Variants in GOLGA5 observed in about 807,000 individuals in gnomAD.
The protein encoded by GOLGA5 is golgin subfamily A member 5.
A neutral mutation model predicts 93.5 loss-of-function variants in GOLGA5; 50 were observed. The observed-to-expected ratio is 0.53, with a 90% CI of 0.43 to 0.68. The LOEUF (loss-of-function observed/expected upper bound fraction) is 0.68, where lower values mean the gene tolerates loss of function less well. Among genes scored for constraint, GOLGA5 ranks in the 30% least tolerant of loss-of-function variants. The pLI is 0.00. For missense variants in GOLGA5, 760 were observed against 856.4 expected, an observed-to-expected ratio of 0.89 and a Z score of 1.40; for synonymous variants, 312 against 304.5, an observed-to-expected ratio of 1.02 and a Z score of -0.26.
intron 10 of GOLGA5, among the ~76,000 whole-genome samples, chr14:92,835,358 T>C (rs1862310260): frequency 6.6e-6 from 1 of 152,224 alleles, no homozygotes; most frequent in African/African-American, 2.4e-5. Flanking sequence ...TAAAACTTTT[T>C]TCTTGTTGTG....
intron 2 of GOLGA5, among the ~76,000 whole-genome samples, chr14:92,799,009 G>A (rs1229729515): frequency 1.3e-5 from 2 of 152,026 alleles, no homozygotes; most frequent in African/African-American, 2.4e-5. Flanking sequence ...CTCTATCGCC[G>A]AGGCTTAAGT....
At chr14:92,835,286 G>C (rs1885616954) in intron 10 of GOLGA5, among the ~76,000 whole-genome samples, 1 of 152,132 alleles carries the variant, frequency 6.6e-6, no homozygotes, top group Admixed American at 6.5e-5. Context: ...CATTAATATT[G>C]ACTCTTGTCA....
intron 12 of GOLGA5, among the ~76,000 whole-genome samples, 179 bp downstream of exon 12, chr14:92,837,628 G>T (rs763757946): frequency 7.2e-5 from 11 of 151,970 alleles, no homozygotes; most frequent in African/African-American, 2.2e-4. Flanking sequence ...CAGTGGTGCA[G>T]TCTTGGCTCA....
At chr14:92,802,878 C>A (rs1282519614) in intron 2 of GOLGA5, among the ~76,000 whole-genome samples, 1 of 152,122 alleles carries the variant, frequency 6.6e-6, no homozygotes, top group East Asian at 1.9e-4. Context: ...AATCCTCCCA[C>A]TTCCTCCTCC....
Position 92,797,619 on chromosome 14 carries a change from C to T in GOLGA5, c.182C>T (p.Thr61Met), listed in dbSNP as rs111348610. 3.3e-4 allele frequency: 540 copies of T among 1,612,762 alleles called. No individual in the cohort carries two copies. Among genetic ancestry groups the T allele is most frequent in the Non-Finnish European group, 4.4e-4 (523 of 1,178,874 alleles). ...ATATATCAGACTGGACCTAAATCTA[C>T]GTATATTTCATCAGCAGCTGATAAC... ...DLIYQTGPKS[T>M]YISSAADNIR... Residue 61 changes from threonine to methionine, a missense_variant, in exon 2 of 13, where the codon ACG (threonine) becomes ATG (methionine). Transcript: ENST00000163416.
intron 2 of GOLGA5, among the ~76,000 whole-genome samples, chr14:92,798,259 TAAAA>T (rs1054299736): frequency 1.2e-4 from 19 of 152,212 alleles, no homozygotes; most frequent in Admixed American, 9.8e-4. Context: ...ATTTTAAGAT[TAAAA>T]AAAGAAAATT....
At chr14:92,826,897 C>T (rs1445199683) in intron 9 of GOLGA5, among the ~76,000 whole-genome samples, 2 of 151,988 alleles carry the variant, frequency 1.3e-5, no homozygotes, top group Non-Finnish European at 2.9e-5. Context: ...TTGAGGCTGA[C>T]AGATTTCTTA....
At chr14:92,801,315 T>C (rs986894738) in intron 2 of GOLGA5, among the ~76,000 whole-genome samples, 3 of 152,356 alleles carry the variant, frequency 2.0e-5, no homozygotes, top group East Asian at 1.9e-4. Flanking sequence ...TTCACCAACA[T>C]TTTTTATTTT....
chr14:92,811,553 C>G lies in GOLGA5; in HGVS notation c.1119C>G (p.Ser373Arg). 1 of 1,599,684 alleles carries G rather than the reference C, an allele frequency of 6.3e-7. No individual in the cohort carries two copies. Among genetic ancestry groups the G allele is most frequent in the Non-Finnish European group, 8.6e-7 (1 of 1,167,144 alleles). Residue 373 changes from serine to arginine, a missense_variant and splice_region_variant, in exon 6 of 13, where the codon AGC becomes AGG. Physicochemically the swap from Ser to Arg is moderately radical, Grantham distance 110 (BLOSUM62 -1). Coordinates refer to ENST00000163416, the MANE Select transcript of GOLGA5 (RefSeq NM_005113.4). ...REQESYKQMQ[S>R]EFAARLNKVE... ...TATGATATAAAAATTTGTCACAGAG[C>G]GAGTTTGCTGCACGCCTTAATAAAG...
intron 10 of GOLGA5, 85 bp from the exon 11 acceptor site, chr14:92,835,474 C>T: frequency 2.4e-6 from 2 of 847,048 alleles, no homozygotes; most frequent in Admixed American, 2.3e-5. Context: ...AAATTCCTTC[C>T]ACATGTAATA....
At chr14:92,834,193 T>TA (rs949510283) in intron 10 of GOLGA5, among the ~76,000 whole-genome samples, 8 of 141,560 alleles carry the variant, frequency 5.7e-5, no homozygotes, top group Admixed American at 3.6e-4. Context: ...CCTTTTTTTT[T>TA]TTATTTTATT....
chr14:92,820,432 C>G (rs1885293732), intron 8 of GOLGA5, among the ~76,000 whole-genome samples: 2 of 152,340 alleles, frequency 1.3e-5, no homozygotes, highest in Middle Eastern at 6.8e-3. Context: ...CAGAATAGAA[C>G]AAATGTACAA....
At chr14:92,834,221 C>CT (rs1479758155) in intron 10 of GOLGA5, among the ~76,000 whole-genome samples, 3 of 131,592 alleles carry the variant, frequency 2.3e-5, no homozygotes, top group Admixed American at 1.6e-4. Flanking sequence ...TATTATTATA[C>CT]TTTAAGTTTT....
Position 92,824,577 on chromosome 14 carries a change from G to A in GOLGA5, c.1652G>A (p.Arg551Gln), listed in dbSNP as rs764740502. 42 of 1,602,214 alleles carry A rather than the reference G, an allele frequency of 2.6e-5. No individual in the cohort carries two copies. The highest frequency in any genetic ancestry group is 1.6e-4 in the Middle Eastern group (1 of 6,064). Residue 551 changes from arginine (R) to glutamine (Q), a missense_variant, in exon 9 of 13, where the codon CGA becomes CAA. Physicochemically the swap from Arg to Gln is conservative, Grantham distance 43 (BLOSUM62 1). Coordinates refer to ENST00000163416, the MANE Select transcript of GOLGA5 (RefSeq NM_005113.4). ...EFHYIEEDLY[R>Q]TKNTLQSRIK... ...CACTATATAGAAGAAGATCTTTATC[G>A]AACAAAGAACACATTGCAAAGCAGA...
In GOLGA5 at chr14:92,794,438, G is replaced by A. The variant is rs1884670152; in HGVS notation, c.-49G>A. ...AGGACGGCGGCTAGGCCGTAGTGCA[G>A]CCTCTCCGGAGTCCTCAGGTGAGGC... On this transcript the variant is annotated 5_prime_UTR_variant, in exon 1 of 13. Transcript: ENST00000163416. 6.6e-6 allele frequency: 1 copy of A among 152,400 alleles called. No homozygotes were observed. Among genetic ancestry groups the A allele is most frequent in the Non-Finnish European group, 1.5e-5 (1 of 68,172 alleles). 9.4% of individuals were successfully genotyped at this position (152,400 alleles called of 1,614,324 possible). A position where few individuals can be genotyped will look rare whatever the true frequency, so the allele number is the denominator to read the frequency against.
rs780281785 is a variant in GOLGA5 at position 92,797,622 on chromosome 14, A to G, written c.185A>G (p.Tyr62Cys). 1.9e-6 allele frequency: 3 copies of G among 1,613,038 alleles called. No homozygotes were observed. In the South Asian group the frequency reaches 3.3e-5, roughly 18 times the overall value. The stretch of plus-strand genomic sequence containing the variant: ...TATCAGACTGGACCTAAATCTACGT[A>G]TATTTCATCAGCAGCTGATAACATT... ...LIYQTGPKST[Y>C]ISSAADNIRN... The change falls in exon 2 of 13, where the codon TAT (tyrosine) becomes TGT (cysteine). Residue 62 changes from tyrosine (Y) to cysteine (C), a missense_variant. Coordinates refer to ENST00000163416, the MANE Select transcript of GOLGA5 (RefSeq NM_005113.4).
intron 9 of GOLGA5, among the ~76,000 whole-genome samples, chr14:92,826,027 ACCTG>A (rs1260804359): frequency 6.6e-6 from 1 of 151,954 alleles, no homozygotes; most frequent in Non-Finnish European, 1.5e-5. Flanking sequence ...GGTGGCACGT[ACCTG>A]TAAGTCCCAG....
chr14:92,826,560 T>C (rs1885425848), intron 9 of GOLGA5, among the ~76,000 whole-genome samples: 1 of 151,920 alleles, frequency 6.6e-6, no homozygotes. Context: ...TAGCTGGGCA[T>C]GGTGGTGCAG....
intron 7 of GOLGA5, among the ~76,000 whole-genome samples, chr14:92,817,755 G>A (rs1313223491): frequency 6.6e-6 from 1 of 152,192 alleles, no homozygotes; most frequent in African/African-American, 2.4e-5. Flanking sequence ...AGGATACCTT[G>A]TCTAGAGCAT....
Sources: allele counts gnomAD v4.1 joint callset (sites outside exome capture counted in the v4.1 genomes callset), GRCh38; gene constraint gnomAD v4.1.1; transcripts MANE v1.5; gene names NCBI Gene and HGNC (gene_info 2026-07-23, HGNC 2026-07-21).